Variants in SLC24A2 observed in about 807,000 individuals in gnomAD.
SLC24A2 encodes the protein solute carrier family 24 member 2.
Under a neutral mutation model 62.0 loss-of-function variants are expected in SLC24A2, and 36 were observed. The ratio of observed to expected loss-of-function variants is 0.58; its 90% CI spans 0.44 to 0.77. SLC24A2 has a LOEUF of 0.77. Ranked by LOEUF, SLC24A2 falls within the 30% of genes least tolerant of loss-of-function variation. The pLI is 0.00. For missense variants in SLC24A2, 846 were observed against 817.9 expected, an observed-to-expected ratio of 1.03 and a Z score of -0.42; for synonymous variants, 358 against 294.0, an observed-to-expected ratio of 1.22 and a Z score of -2.23.
the SLC24A2 span, among the ~76,000 whole-genome samples, chr9:20,275,985 C>T: frequency 2.6e-3 from 395 of 152,240 alleles, 5 homozygotes; most frequent in East Asian, 0.035. Context: ...TCCCATGACA[C>T]GTGGGGATTA....
intron 2 of SLC24A2, among the ~76,000 whole-genome samples, chr9:19,739,264 T>C (rs1167934798): frequency 6.6e-6 from 1 of 152,232 alleles, no homozygotes; most frequent in African/African-American, 2.4e-5. Context: ...ATATTGTAAA[T>C]AAGTCATTTC....
chr9:19,821,024 T>A, the SLC24A2 span, among the ~76,000 whole-genome samples: 2 of 152,140 alleles, frequency 1.3e-5, no homozygotes, highest in Admixed American at 1.3e-4. Context: ...AACCTCTGAA[T>A]GGCTTTGGCT....
At chr9:19,827,946 T>C in the SLC24A2 span, among the ~76,000 whole-genome samples, 1 of 152,218 alleles carries the variant, frequency 6.6e-6, no homozygotes, top group Non-Finnish European at 1.5e-5. Flanking sequence ...ATCTGAGTAA[T>C]TCTCACATGT....
Position 19,560,934 on chromosome 9 carries a change from G to T in SLC24A2, c.1348-10666C>A, listed in dbSNP as rs1351943428. On this transcript the variant is annotated intron_variant, in intron 7 of 10. Coordinates refer to ENST00000341998, the MANE Select transcript of SLC24A2 (RefSeq NM_020344.4). ...ATATATATAGAGAGAGAGAGAGAGAGAGAGAGAGAGAGACAGAGTCTTACT... is the reference window on the plus strand; with the variant it reads ...ATATATATAGAGAGAGAGAGAGAGATAGAGAGAGAGAGACAGAGTCTTACT... 6.0e-5 allele frequency among the ~76,000 whole-genome samples: 9 copies of T among 149,300 alleles called. No homozygotes were observed. In the Admixed American group the frequency reaches 6.0e-4, roughly 10 times the overall value.
intron 2 of SLC24A2, among the ~76,000 whole-genome samples, chr9:19,679,565 C>T (rs1225888672): frequency 1.3e-5 from 2 of 152,084 alleles, no homozygotes. Flanking sequence ...TAAAGATCAC[C>T]CCCACCAATG....
Position 19,788,931 on chromosome 9 carries a change from G to C in SLC24A2, c.-200C>G, listed in dbSNP as rs1053536092. 2 of 985,060 alleles carry C rather than the reference G, an allele frequency of 2.0e-6. No individual in the cohort carries two copies. Among genetic ancestry groups the C allele is most frequent in the Non-Finnish European group, 2.4e-6 (2 of 829,618 alleles). 61.0% of individuals were successfully genotyped at this position (985,060 alleles called of 1,614,324 possible). ...GCACACGGCGGGGCCCCCGAGCGCG[G>C]CCCGCCGCTCCAGTCCGCCGGCCCT... On this transcript the variant is annotated 5_prime_UTR_variant, in exon 1 of 11. Transcript: ENST00000341998.
chr9:20,103,414 C>T, the SLC24A2 span, among the ~76,000 whole-genome samples: 10 of 152,344 alleles, frequency 6.6e-5, no homozygotes, highest in Admixed American at 3.3e-4. Context: ...TCCCTGACCC[C>T]TGACCCCCGA....
At chr9:20,019,311 G>GAAAGAAAGAAAGAAAC in the SLC24A2 span, among the ~76,000 whole-genome samples, 1 of 145,442 alleles carries the variant, frequency 6.9e-6, no homozygotes, top group African/African-American at 2.8e-5. Context: ...AAGAAAGAAA[G>GAAAGAAAGAAAGAAAC]AAAGTGAGTG....
chr9:19,523,146 G>A (rs1210788187), intron 9 of SLC24A2, among the ~76,000 whole-genome samples: 1 of 152,164 alleles, frequency 6.6e-6, no homozygotes, highest in Non-Finnish European at 1.5e-5. Flanking sequence ...GCAAGACCTT[G>A]TCCCCGAAAT....
At chr9:20,131,164 G>T in the SLC24A2 span, among the ~76,000 whole-genome samples, 1 of 152,064 alleles carries the variant, frequency 6.6e-6, no homozygotes, top group Non-Finnish European at 1.5e-5. Context: ...TACGCGCCCT[G>T]TGCACACAAG....
the SLC24A2 span, among the ~76,000 whole-genome samples, chr9:20,170,774 A>G: frequency 5.9e-5 from 9 of 152,084 alleles, no homozygotes; most frequent in Non-Finnish European, 1.0e-4. Context: ...GAAAAATCTA[A>G]AAGTTTGTAA....
At chr9:19,957,320 T>A in the SLC24A2 span, 1 of 151,900 alleles carries the variant, frequency 6.6e-6, no homozygotes, top group African/African-American at 2.4e-5. Flanking sequence ...GAAAAAGGAG[T>A]AGCGAGCAAA....
chr9:20,057,927 A>G, the SLC24A2 span, among the ~76,000 whole-genome samples: 7,794 of 152,248 alleles, frequency 0.051, 226 homozygotes, highest in African/African-American at 0.081. Flanking sequence ...TCAGTAGGCT[A>G]TCAAAACTAT....
At chr9:20,017,719 G>T in the SLC24A2 span, among the ~76,000 whole-genome samples, 1 of 152,132 alleles carries the variant, frequency 6.6e-6, no homozygotes, top group Non-Finnish European at 1.5e-5. Context: ...AGTGCTGATT[G>T]GACACTGCTG....
the SLC24A2 span, among the ~76,000 whole-genome samples, chr9:19,990,571 AC>A: frequency 1.3e-5 from 2 of 150,426 alleles, no homozygotes; most frequent in Non-Finnish European, 3.0e-5. Flanking sequence ...AGATCACACC[AC>A]TGCACTCCAG....
chr9:19,526,396 T>A (rs978906590), intron 9 of SLC24A2, among the ~76,000 whole-genome samples: 2 of 152,222 alleles, frequency 1.3e-5, no homozygotes, highest in Non-Finnish European at 2.9e-5. Flanking sequence ...ATATGGTAAC[T>A]CTATGTTTAA....
the SLC24A2 span, among the ~76,000 whole-genome samples, chr9:19,965,998 T>C: frequency 6.6e-6 from 1 of 152,248 alleles, no homozygotes; most frequent in Non-Finnish European, 1.5e-5. Context: ...TTATATTCCC[T>C]GTTCTCTTTA....
chr9:20,154,649 TAA>T, the SLC24A2 span, among the ~76,000 whole-genome samples: 18,205 of 146,970 alleles, frequency 0.12, 1,715 homozygotes, highest in East Asian at 0.3. Flanking sequence ...TTTCTAAGGT[TAA>T]AAAAAAAAAA....
intron 9 of SLC24A2, among the ~76,000 whole-genome samples, chr9:19,526,236 C>G (rs1002887041): frequency 1.3e-5 from 2 of 152,102 alleles, no homozygotes; most frequent in Non-Finnish European, 2.9e-5. Context: ...CCATATTTTG[C>G]TTATCCATTC....
Sources: gnomAD v4.1 joint callset for allele counts (sites outside exome capture counted in the v4.1 genomes callset) on GRCh38, gnomAD v4.1.1 for gene constraint, MANE v1.5 for transcripts, NCBI Gene and HGNC (gene_info 2026-07-23, HGNC 2026-07-21) for gene names.